Variants in FLT3 observed in about 807,000 individuals in gnomAD.
FLT3 encodes receptor-type tyrosine-protein kinase FLT3.
Under a neutral mutation model 126.6 loss-of-function variants are expected in FLT3, and 46 were observed. That is an observed-to-expected ratio of 0.36 (90% CI 0.29 to 0.46). FLT3 has a LOEUF of 0.46. FLT3 is among the 20% of genes least tolerant of loss of function. The pLI is 1.00. For synonymous variants in FLT3, 404 were observed against 434.4 expected, an observed-to-expected ratio of 0.93 and a Z score of 0.87; for missense variants, 1,069 against 1,190.3, an observed-to-expected ratio of 0.90 and a Z score of 1.50.
At position 28,057,266 on chromosome 13, in the gene FLT3, G is replaced by A. The variant is rs3751392; in HGVS notation, c.484+81C>T. The A allele has an allele frequency of 0.024, 18,290 of 754,104 alleles. 1,627 individuals carry two copies. The East Asian group carries it at 0.27, about 11-fold the overall frequency. The allele number at this position is 754,104 out of a possible 1,614,324, so 46.7% of individuals were successfully genotyped here. A position where few individuals can be genotyped will look rare whatever the true frequency, so the allele number is the denominator to read the frequency against. On this transcript the variant is annotated intron_variant, in intron 4 of 23. Coordinates refer to ENST00000241453, the MANE Select transcript of FLT3 (RefSeq NM_004119.3). ...AACCTGAATATGTCTAGAGGAGCTG[G>A]TCAAGCTAACGGGTTCTAAACCACT...
chr13:28,036,119 A>C, intron 10 of FLT3, 76 bp from the exon 11 acceptor site: 1 of 1,246,224 alleles, frequency 8.0e-7, no homozygotes, highest in Non-Finnish European at 1.2e-6. Context: ...ATACTTTGTG[A>C]AGCCAAGGTG....
intron 15 of FLT3, among the ~76,000 whole-genome samples, chr13:28,031,052 C>T (rs1873285202): frequency 6.6e-6 from 1 of 151,462 alleles, no homozygotes; most frequent in African/African-American, 2.4e-5. Context: ...CGGTGAAACT[C>T]TGTCTCTACT....
At chr13:28,095,626 A>C (rs537568468) in intron 1 of FLT3, among the ~76,000 whole-genome samples, 5 of 152,326 alleles carry the variant, frequency 3.3e-5, no homozygotes, top group Non-Finnish European at 7.3e-5. Flanking sequence ...CAAAGTTAAG[A>C]AAAATGATAA....
Position 28,085,137 on chromosome 13 carries a change from G to A in FLT3, c.44-14525C>T, listed in dbSNP as rs141671245. ...CACGAGCGGATCACCTGAGAAAGGAGTTCAAGACCAGCCTGGCCAACGTGG... is the reference window on the plus strand; with the variant it reads ...CACGAGCGGATCACCTGAGAAAGGAATTCAAGACCAGCCTGGCCAACGTGG... On this transcript the variant is annotated intron_variant, in intron 1 of 23. Transcript: ENST00000241453. 1.4e-4 allele frequency among the ~76,000 whole-genome samples: 21 copies of A among 151,990 alleles called. 1 individual carries two copies. Among genetic ancestry groups the A allele is most frequent in the African/African-American group, 5.1e-4 (21 of 41,466 alleles).
intron 23 of FLT3, among the ~76,000 whole-genome samples, chr13:28,005,146 G>A (rs1471053822): frequency 6.6e-6 from 1 of 152,124 alleles, no homozygotes; most frequent in African/African-American, 2.4e-5. Context: ...CCTAGCCAAC[G>A]TGGAGAAACC....
At chr13:28,031,794 G>C (rs1043044423) in intron 15 of FLT3, among the ~76,000 whole-genome samples, 4 of 152,208 alleles carry the variant, frequency 2.6e-5, no homozygotes, top group African/African-American at 9.6e-5. Flanking sequence ...GAGAGCAAGA[G>C]GTGGGGAGGC....
At chr13:28,099,698 G>T (rs1380041615) in intron 1 of FLT3, among the ~76,000 whole-genome samples, 1 of 152,122 alleles carries the variant, frequency 6.6e-6, no homozygotes, top group African/African-American at 2.4e-5. Context: ...TTTCCAAATA[G>T]AAAGCTGACG....
At chr13:28,056,049 C>T (rs979723958) in intron 4 of FLT3, among the ~76,000 whole-genome samples, 1 of 152,102 alleles carries the variant, frequency 6.6e-6, no homozygotes, top group African/African-American at 2.4e-5. Flanking sequence ...TCATGTATAC[C>T]TTACAGGCTG....
rs2387350 is a variant in FLT3 at position 28,070,373 on chromosome 13, C to A, written c.165+118G>T. 767,406 of 768,406 alleles carry A rather than the reference C, an allele frequency of 1. 383,211 individuals are homozygous for A. The highest frequency in any genetic ancestry group is 1 in the Middle Eastern group (3,204 of 3,204). 47.6% of individuals were successfully genotyped at this position (768,406 alleles called of 1,614,324 possible). ...TGCTCTGTTGGTACCAGATGTGAGG[C>A]CATAATATACTTAAATACATAAAGA... On this transcript the variant is annotated intron_variant, in intron 2 of 23. Transcript: ENST00000241453.
In FLT3 at chr13:28,049,536, C is replaced by T. The variant is rs559157798; in HGVS notation, c.884G>A (p.Gly295Asp). 7 of 1,613,032 alleles carry T rather than the reference C, an allele frequency of 4.3e-6. No homozygotes were observed. The South Asian group carries it at 4.4e-5, about 10-fold the overall frequency. Residue 295 changes from glycine (G) to aspartate (D), a missense_variant and splice_region_variant, in exon 8 of 24, where the codon GGC becomes GAC. By Grantham distance (94) the Gly-to-Asp change is moderately conservative (BLOSUM62 -1). Coordinates refer to ENST00000241453, the MANE Select transcript of FLT3 (RefSeq NM_004119.3). ...WELENKALEE[G>D]NYFEMSTYST... ...ATAGGTACTCATCTCAAAGTAGTTG[C>T]CCTAGGTTTTAATAAAACAGAGTTT... is the stretch of plus-strand genomic sequence containing the variant.
At chr13:28,023,150 G>A (rs558989463) in intron 19 of FLT3, among the ~76,000 whole-genome samples, 200 bp downstream of exon 19, 4 of 152,340 alleles carry the variant, frequency 2.6e-5, no homozygotes, top group Non-Finnish European at 4.4e-5. Flanking sequence ...TGTGCTAGCC[G>A]TGACCTCACA....
At chr13:28,079,975 G>C (rs995211176) in intron 1 of FLT3, among the ~76,000 whole-genome samples, 2 of 152,148 alleles carry the variant, frequency 1.3e-5, no homozygotes, top group African/African-American at 2.4e-5. Flanking sequence ...ATGTCTTGTA[G>C]GAACTAGTAA....
At chr13:28,088,549 A>T (rs574735193) in intron 1 of FLT3, among the ~76,000 whole-genome samples, 1 of 150,592 alleles carries the variant, frequency 6.6e-6, no homozygotes, top group South Asian at 2.1e-4. Flanking sequence ...TGGCCTCCCA[A>T]AGTGCTGGGA....
intron 16 of FLT3, among the ~76,000 whole-genome samples, chr13:28,027,593 A>T (rs905281755): frequency 1.3e-5 from 2 of 152,214 alleles, no homozygotes; most frequent in African/African-American, 4.8e-5. Flanking sequence ...TGTTTGCTTG[A>T]GGAGGGAGAA....
chr13:28,069,446 A>C lies in FLT3; in HGVS notation c.165+1045T>G, dbSNP rs150989766. ...CAAGAATAAGAGCAGGCTTGGGGAAATAGAAATGAAATAAAATAAATGACA... is the reference window on the plus strand; with the variant it reads ...CAAGAATAAGAGCAGGCTTGGGGAACTAGAAATGAAATAAAATAAATGACA... On this transcript the variant is annotated intron_variant, in intron 2 of 23. Coordinates refer to ENST00000241453, the MANE Select transcript of FLT3 (RefSeq NM_004119.3). 5.1e-3 allele frequency among the ~76,000 whole-genome samples: 774 copies of C among 152,286 alleles called. 4 individuals are homozygous for C. The highest frequency in any genetic ancestry group is 0.017 in the African/African-American group (724 of 41,548).
intron 2 of FLT3, chr13:28,067,531 G>GGC (rs1877143060): frequency 6.5e-6 from 1 of 153,204 alleles, no homozygotes; most frequent in Admixed American, 6.5e-5. Context: ...TTCACCACCT[G>GGC]GCAGAGCTGA....
At chr13:28,067,696 C>T (rs1383978987) in intron 2 of FLT3, 1 of 154,846 alleles carries the variant, frequency 6.5e-6, no homozygotes, top group Admixed American at 6.5e-5. Flanking sequence ...CATGAAATCA[C>T]TAACACAGTT....
At chr13:28,015,120 C>G (rs751881381) in intron 22 of FLT3, 37 bp downstream of exon 22, 7 of 1,313,796 alleles carry the variant, frequency 5.3e-6, no homozygotes, top group Non-Finnish European at 7.7e-6. Context: ...CTGTACCTTT[C>G]TGATTTCAAC....
intron 1 of FLT3, among the ~76,000 whole-genome samples, chr13:28,070,817 A>C (rs1877437500): frequency 6.6e-6 from 1 of 152,132 alleles, no homozygotes; most frequent in Non-Finnish European, 1.5e-5. Flanking sequence ...GTCCAATAAA[A>C]CAGTCTGCAG....
Sources: allele counts gnomAD v4.1 joint callset (sites outside exome capture counted in the v4.1 genomes callset), GRCh38; gene constraint gnomAD v4.1.1; transcripts MANE v1.5; gene names NCBI Gene and HGNC (gene_info 2026-07-23, HGNC 2026-07-21).